GSE1: variants seen among roughly 807,000 people sequenced by gnomAD.
GSE1 encodes genetic suppressor element 1.
In GSE1, 32 loss-of-function variants were observed where a neutral mutation model predicts 112.6. That is an observed-to-expected ratio of 0.28 (90% CI 0.21 to 0.38). The LOEUF is 0.38. GSE1 is among the 10% of genes least tolerant of loss of function. The pLI is 1.00. For missense variants in GSE1, 2,348 were observed against 1,699.2 expected, an observed-to-expected ratio of 1.38 and a Z score of -6.71; for synonymous variants, 1,115 against 735.6, an observed-to-expected ratio of 1.52 and a Z score of -8.35.
intron 1 of GSE1, among the ~76,000 whole-genome samples, chr16:85,225,367 G>C (rs2075466537): frequency 6.6e-6 from 1 of 152,220 alleles, no homozygotes; most frequent in South Asian, 2.1e-4. Flanking sequence ...AGTCAGTGCA[G>C]AGGGCCCGAG....
At chr16:85,260,082 CCA>C (rs1907513029) in intron 1 of GSE1, among the ~76,000 whole-genome samples, 1 of 152,120 alleles carries the variant, frequency 6.6e-6, no homozygotes, top group Non-Finnish European at 1.5e-5. Context: ...CGTGTGAGCC[CCA>C]CAGGACATAG....
chr16:85,359,380 C>A (rs755308174), intron 2 of GSE1: 2 of 456,016 alleles, frequency 4.4e-6, no homozygotes, highest in Admixed American at 4.7e-5. Flanking sequence ...CAGAGTCCTC[C>A]GGAGCAGAAC....
chr16:85,423,785 C>T (rs770636299), intron 2 of GSE1, among the ~76,000 whole-genome samples: 9 of 152,222 alleles, frequency 5.9e-5, no homozygotes, highest in Non-Finnish European at 1.2e-4. Context: ...CACCGCTGCA[C>T]TTGCTCTCCC....
chr16:85,475,013 G>T (rs1181934378), intron 2 of GSE1, among the ~76,000 whole-genome samples: 2 of 152,058 alleles, frequency 1.3e-5, no homozygotes, highest in African/African-American at 4.8e-5. Flanking sequence ...ATGCAGTCAG[G>T]GCGACCCCAT....
At chr16:85,372,909 C>T (rs115224790) in intron 2 of GSE1, among the ~76,000 whole-genome samples, 10 of 152,188 alleles carry the variant, frequency 6.6e-5, no homozygotes, top group Non-Finnish European at 4.4e-5. Flanking sequence ...TGCTGACGGT[C>T]GTCCCGCCAG....
chr16:85,480,903 G>T (rs1056685138), intron 2 of GSE1, among the ~76,000 whole-genome samples: 2 of 152,186 alleles, frequency 1.3e-5, no homozygotes, highest in Non-Finnish European at 1.5e-5. Context: ...TGGGCTCCAC[G>T]CTGAGCAAGC....
chr16:85,206,586 C>A (rs1017155416), intron 1 of GSE1, among the ~76,000 whole-genome samples: 1 of 152,122 alleles, frequency 6.6e-6, no homozygotes, highest in African/African-American at 2.4e-5. Flanking sequence ...GCTGGAAAAG[C>A]GTCTGCCTAC....
At chr16:85,388,338 GTAT>G (rs2151638646) in intron 2 of GSE1, among the ~76,000 whole-genome samples, 1 of 65,668 alleles carries the variant, frequency 1.5e-5, no homozygotes, top group Non-Finnish European at 3.4e-5. Context: ...ATGAATGGAT[GTAT>G]GGCTGGATGG....
chr16:85,511,528 C>CA (rs71151298), intron 2 of GSE1, among the ~76,000 whole-genome samples: 40,648 of 114,736 alleles, frequency 0.35, 6,158 homozygotes, highest in East Asian at 0.56. Flanking sequence ...AACTCCATCT[C>CA]AAAAAAAAAA....
chr16:85,560,409 C>G (rs936646623), intron 1 of GSE1, among the ~76,000 whole-genome samples: 3 of 152,118 alleles, frequency 2.0e-5, no homozygotes, highest in African/African-American at 7.2e-5. Flanking sequence ...AGGTGTGAGC[C>G]ACCGCACCTG....
intron 2 of GSE1, among the ~76,000 whole-genome samples, chr16:85,479,460 T>C (rs2050606047): frequency 6.6e-6 from 1 of 151,986 alleles, no homozygotes; most frequent in African/African-American, 2.4e-5. Context: ...TGAGCCACCA[T>C]GCCTGGCCAA....
At chr16:85,403,795 C>G (rs933133466) in intron 2 of GSE1, among the ~76,000 whole-genome samples, 8 of 152,204 alleles carry the variant, frequency 5.3e-5, no homozygotes, top group African/African-American at 1.9e-4. Flanking sequence ...GAGTGAGACC[C>G]TGTCTCAAAA....
At chr16:85,180,128 T>C (rs1043799385) in intron 1 of GSE1, among the ~76,000 whole-genome samples, 3 of 152,236 alleles carry the variant, frequency 2.0e-5, no homozygotes, top group Non-Finnish European at 4.4e-5. Flanking sequence ...CTGCTGTGTT[T>C]TAAGCTCTGC....
In GSE1 at chr16:85,419,044, G is replaced by C. The variant is rs1318424930; in HGVS notation, c.2464+61401G>C. Among the ~76,000 whole-genome samples the C allele has an allele frequency of 1.3e-5, 2 of 152,256 alleles. No homozygotes were observed. The highest frequency in any genetic ancestry group is 3.9e-4 in the East Asian group (2 of 5,184). ...GAGACACTGTGCGGAGATCCAACTG[G>C]CAGTTGGATATTTGAGTCTGGAGCT... is the stretch of plus-strand genomic sequence containing the variant. On this transcript the variant is annotated intron_variant, in intron 2 of 2. Coordinates refer to the GSE1 transcript ENST00000637419. The surrounding 1 kb of genome is among the most constrained non-coding windows in gnomAD (Gnocchi z 6.5).
intron 2 of GSE1, among the ~76,000 whole-genome samples, chr16:85,499,011 A>G (rs952540299): frequency 3.3e-5 from 5 of 152,236 alleles, no homozygotes; most frequent in Non-Finnish European, 7.3e-5. Flanking sequence ...TAGGGCCACC[A>G]TGGGACCTGC....
intron 1 of GSE1, among the ~76,000 whole-genome samples, chr16:85,352,241 G>C (rs1045466775): frequency 6.6e-6 from 1 of 152,182 alleles, no homozygotes; most frequent in Admixed American, 6.5e-5. Flanking sequence ...TAACAATGCA[G>C]GATCTCATTA....
chr16:85,614,543 C>T (rs955665262), intron 1 of GSE1, among the ~76,000 whole-genome samples: 7 of 152,134 alleles, frequency 4.6e-5, no homozygotes, highest in South Asian at 4.1e-4. Context: ...CCGCGACACC[C>T]TCATTAGATG....
chr16:85,654,152 G>A (rs2051693033), intron 3 of GSE1, 126 bp from the exon 4 acceptor site: 1 of 860,498 alleles, frequency 1.2e-6, no homozygotes, highest in East Asian at 2.7e-5. Context: ...AAAGCCTTAG[G>A]GAAAGGATGT....
At chr16:85,424,419 G>A (rs1046679847) in intron 2 of GSE1, among the ~76,000 whole-genome samples, 7 of 152,176 alleles carry the variant, frequency 4.6e-5, no homozygotes, top group African/African-American at 1.7e-4. Context: ...AGCTTGCTGG[G>A]GCCACAGGAT....
Sources: allele counts gnomAD v4.1 joint callset (sites outside exome capture counted in the v4.1 genomes callset), GRCh38; gene constraint gnomAD v4.1.1; non-coding constraint Gnocchi (gnomAD v3.1); transcripts MANE v1.5; gene names NCBI Gene and HGNC (gene_info 2026-07-23, HGNC 2026-07-21).